COL6A2: variants seen among roughly 807,000 people sequenced by gnomAD.
COL6A2 encodes collagen type VI alpha 2 chain, also known as collagen alpha-2(VI) chain.
A neutral mutation model predicts 124.9 loss-of-function variants in COL6A2; 90 were observed. That is an observed-to-expected ratio of 0.72 (90% CI 0.61 to 0.86). The LOEUF is 0.86. Ranked by LOEUF, COL6A2 falls within the 40% of genes least tolerant of loss-of-function variation. The pLI is 0.00. For synonymous variants in COL6A2, 793 were observed against 618.2 expected (o/e 1.28, Z -4.19); for missense variants, 1,607 against 1,502.5 (o/e 1.07, Z -1.15).
chr21:46,104,215 A>G (rs1251621735), intron 1 of COL6A2, among the ~76,000 whole-genome samples: 1 of 152,194 alleles, frequency 6.6e-6, no homozygotes, highest in African/African-American at 2.4e-5. Context: ...ACTTGGTGGT[A>G]GATCTACTAG....
Position 46,125,807 on chromosome 21 carries a change from G to A in COL6A2, c.1992G>A (p.Gln664=). Residue 664 remains glutamine, a synonymous_variant, in exon 26 of 28, where the codon CAG becomes CAA. Transcript: ENST00000300527. Reference sequence around the variant, plus strand: ...CAGGGACGCGTGTGGGCGTGGTGCAGTACAGCCACGAGGGCACCTTTGAGG... The same window carrying A: ...CAGGGACGCGTGTGGGCGTGGTGCAATACAGCCACGAGGGCACCTTTGAGG... ...SETGTRVGVV[Q]YSHEGTFEAI... is the part of the protein sequence containing the mutation. 1 of 1,612,902 alleles carries A rather than the reference G, an allele frequency of 6.2e-7. No individual in the cohort carries two copies. Among genetic ancestry groups the A allele is most frequent in the Non-Finnish European group, 8.5e-7 (1 of 1,179,938 alleles).
intron 27 of COL6A2, among the ~76,000 whole-genome samples, chr21:46,130,153 G>A (rs2078742281): frequency 6.6e-6 from 1 of 152,198 alleles, no homozygotes; most frequent in South Asian, 2.1e-4. Context: ...TGACGTATCT[G>A]GGCTGGTGTC....
Position 46,126,095 on chromosome 21 carries a change from G to C in COL6A2, c.2280G>C (p.Gly760=). The change falls in exon 26 of 28, where the codon GGG becomes GGC. Residue 760 remains glycine (G), a synonymous_variant. Coordinates refer to ENST00000300527, the MANE Select transcript of COL6A2 (RefSeq NM_001849.4). ...TCACAGTGACGGCCATCGGCATCGG[G>C]GACATGTTCCACGAGAAGCACGAGA... The part of the protein sequence containing the change: ...RDVTVTAIGI[G]DMFHEKHESE... 1 of 1,612,872 alleles carries C rather than the reference G, an allele frequency of 6.2e-7. No individual in the cohort carries two copies. Among genetic ancestry groups the C allele is most frequent in the Non-Finnish European group, 8.5e-7 (1 of 1,180,020 alleles).
chr21:46,124,075 G>A lies in COL6A2; in HGVS notation c.1672-576G>A, dbSNP rs2078617704. 2.6e-5 allele frequency among the ~76,000 whole-genome samples: 4 copies of A among 151,100 alleles called. No homozygotes were observed. The South Asian group carries it at 8.4e-4, about 32-fold the overall frequency. ...GGATGAGTGAACGGATGGACCGATG[G>A]ATGAATGGGTGGGTGGGTAGAGGAT... On this transcript the variant is annotated intron_variant, in intron 21 of 27. Transcript: ENST00000300527.
In COL6A2 at chr21:46,121,075, G is replaced by A. The variant is rs145012001; in HGVS notation, c.1410G>A (p.Leu470=). The A allele has an allele frequency of 6.8e-6, 11 of 1,612,700 alleles. No individual in the cohort carries two copies. The African/African-American group carries it at 1.1e-4, about 16-fold the overall frequency. ...GNKGAKGDRG[L]PGPRGPQGAL... is the part of the protein sequence containing the mutation. ...CTTTCTTCCAGGGAGACCGAGGCTT[G>A]CCTGGACCCAGAGGCCCCCAGGGAG... Residue 470 remains leucine (L), a synonymous_variant, in exon 17 of 28, where the codon TTG becomes TTA. Transcript: ENST00000300527.
In COL6A2 at chr21:46,126,134, C is replaced by A; in HGVS notation, c.2319C>A (p.Tyr773Ter). The stretch of plus-strand genomic sequence containing the variant: ...AGAAGCACGAGAGTGAAAACCTCTA[C>A]TCCATCGCCTGCGACAAGCCACAGC... The part of the protein sequence containing the change: ...FHEKHESENL[Y>*]SIACDKPQQV... Residue 773 changes from tyrosine to a stop codon, truncating the protein, a stop_gained, in exon 26 of 28, where the codon TAC (tyrosine) becomes TAA (stop). Coordinates refer to ENST00000300527, the MANE Select transcript of COL6A2 (RefSeq NM_001849.4). LOFTEE classifies it high-confidence loss of function. 1.2e-6 allele frequency: 2 copies of A among 1,611,740 alleles called. No individual in the cohort carries two copies. The highest frequency in any genetic ancestry group is 1.7e-6 in the Non-Finnish European group (2 of 1,180,008).
At chr21:46,131,750 T>G (rs2839122) in intron 27 of COL6A2, among the ~76,000 whole-genome samples, 3 of 152,070 alleles carry the variant, frequency 2.0e-5, no homozygotes, top group African/African-American at 4.8e-5. Context: ...GCAGAGGAGA[T>G]GGCGGCTCCC....
intron 15 of COL6A2, 77 bp from the exon 16 acceptor site, chr21:46,120,438 C>G: frequency 1.6e-6 from 2 of 1,234,644 alleles, no homozygotes; most frequent in South Asian, 1.3e-5. Context: ...CAACCCCCGG[C>G]CACACCCGCC....
Position 46,132,643 on chromosome 21 carries a change from GCTCA to G in COL6A2, c.*95_*98del. ...CGGGTCCCACACGGCCAGCACCGCTGCTCACTCGGACGACGCCCTGGGCCTGCAC... is the reference window on the plus strand; with the variant it reads ...CGGGTCCCACACGGCCAGCACCGCTGCTCGGACGACGCCCTGGGCCTGCAC... On this transcript the variant is annotated 3_prime_UTR_variant, in exon 28 of 28. Transcript: ENST00000300527. 1 of 1,306,712 alleles carries G rather than the reference GCTCA, an allele frequency of 7.7e-7. No homozygotes were observed. The highest frequency in any genetic ancestry group is 1.1e-6 in the Non-Finnish European group (1 of 939,016). 80.9% of individuals were successfully genotyped at this position (1,306,712 alleles called of 1,614,324 possible).
intron 1 of COL6A2, among the ~76,000 whole-genome samples, chr21:46,098,455 G>GT (rs1476745483): frequency 1.4e-4 from 7 of 49,892 alleles, no homozygotes; most frequent in African/African-American, 2.9e-4. Context: ...CCTGGGCGGG[G>GT]TGGGGGGGTC....
At position 46,116,241 on chromosome 21, in the gene COL6A2, C is replaced by G. The variant is rs2078468346; in HGVS notation, c.901-136C>G. The G allele has an allele frequency of 1.7e-6, 2 of 1,201,538 alleles. No homozygotes were observed. The highest frequency in any genetic ancestry group is 2.0e-5 in the Admixed American group (1 of 51,168). 74.4% of individuals were successfully genotyped at this position (1,201,538 alleles called of 1,614,324 possible). A position where few individuals can be genotyped will look rare whatever the true frequency, so the allele number is the denominator to read the frequency against. ...CCAGCCCGACCCAGGGCTCAGCCTC[C>G]TCCGCAGACTGTTTGTCGAGAACAC... On this transcript the variant is annotated intron_variant, in intron 7 of 27. Coordinates refer to ENST00000300527, the MANE Select transcript of COL6A2 (RefSeq NM_001849.4). This position sits in a 1 kb window ranked among gnomAD's most constrained non-coding sequence, Gnocchi z 4.6.
At position 46,126,198 on chromosome 21, in the gene COL6A2, GAGA is replaced by G. The variant is rs747378168; in HGVS notation, c.2386_2388del (p.Lys796del). Reference sequence around the variant, plus strand: ...GACGCTGTTCTCCGACCTGGTCGCTGAGAAGTTCATCGATGACATGGAGGACGT... The same window carrying G: ...GACGCTGTTCTCCGACCTGGTCGCTGAGTTCATCGATGACATGGAGGACGT... On this transcript the variant is annotated inframe_deletion, in exon 26 of 28. Coordinates refer to ENST00000300527, the MANE Select transcript of COL6A2 (RefSeq NM_001849.4). The G allele has an allele frequency of 1.1e-5, 17 of 1,603,378 alleles. No homozygotes were observed. The highest frequency in any genetic ancestry group is 1.7e-4 in the Middle Eastern group (1 of 6,060).
chr21:46,117,946 C>T lies in COL6A2; in HGVS notation c.1116+10C>T. ...AGACCAAGGCGGCAAGGTAAGTGGC[C>T]TTGTCAGGGTACGGGGCAGGCGGGG... On this transcript the variant is annotated intron_variant, in intron 12 of 27. Transcript: ENST00000300527. 6.2e-7 allele frequency: 1 copy of T among 1,611,572 alleles called. No homozygotes were observed. The highest frequency in any genetic ancestry group is 8.5e-7 in the Non-Finnish European group (1 of 1,179,092).
chr21:46,131,534 C>T (rs1253962545), intron 27 of COL6A2, among the ~76,000 whole-genome samples: 1 of 152,234 alleles, frequency 6.6e-6, no homozygotes, highest in South Asian at 2.1e-4. Context: ...ATTGAGGGGT[C>T]AGGCTGGGGG....
At chr21:46,127,559 C>A (rs777973062) in intron 27 of COL6A2, among the ~76,000 whole-genome samples, 1 of 152,152 alleles carries the variant, frequency 6.6e-6, no homozygotes, top group Non-Finnish European at 1.5e-5. Flanking sequence ...AAGGTGCAGG[C>A]GTCCTCCCCC....
chr21:46,112,645 G>A, intron 3 of COL6A2, 68 bp downstream of exon 3: 8 of 1,596,602 alleles, frequency 5.0e-6, no homozygotes, highest in South Asian at 1.1e-5. Flanking sequence ...ACCCACTCCG[G>A]GCCTCACTTT....
chr21:46,128,485 T>TGGCCTGGCCCA (rs66935068), intron 27 of COL6A2, among the ~76,000 whole-genome samples: 1 of 62,904 alleles, frequency 1.6e-5, no homozygotes, highest in Non-Finnish European at 4.7e-5. Flanking sequence ...CCACTGGCTG[T>TGGCCTGGCCCA]GGCCTGGCCC....
chr21:46,117,311 G>A (rs62213982), intron 10 of COL6A2, 89 bp from the exon 11 acceptor site: 1 of 1,333,832 alleles, frequency 7.5e-7, no homozygotes, highest in Non-Finnish European at 1.1e-6. Flanking sequence ...GCCCTGCGGG[G>A]CAGAACCGGG....
At chr21:46,127,522 A>C (rs1269864053) in intron 27 of COL6A2, among the ~76,000 whole-genome samples, 4 of 152,082 alleles carry the variant, frequency 2.6e-5, no homozygotes, top group African/African-American at 9.7e-5. Context: ...CTCTGGCCCC[A>C]CAACAGTGGG....
Sources: gnomAD v4.1 joint callset for allele counts (sites outside exome capture counted in the v4.1 genomes callset) on GRCh38, gnomAD v4.1.1 for gene constraint, Gnocchi (gnomAD v3.1) non-coding constraint, MANE v1.5 for transcripts, NCBI Gene and HGNC (gene_info 2026-07-23, HGNC 2026-07-21) for gene names.